RAD50: variants seen among roughly 807,000 people sequenced by gnomAD.
RAD50 encodes the protein DNA repair protein RAD50.
In RAD50, 132 loss-of-function variants were observed where a neutral mutation model predicts 168.8. That is an observed-to-expected ratio of 0.78 (90% CI 0.68 to 0.90). The LOEUF (loss-of-function observed/expected upper bound fraction) is 0.90. Among genes scored for constraint, RAD50 ranks in the 40% least tolerant of loss-of-function variants. The pLI, the probability that RAD50 is intolerant of heterozygous loss-of-function variation, is 0.00. For synonymous variants in RAD50, 525 were observed against 497.4 expected (o/e 1.06, Z -0.74); for missense variants, 1,347 against 1,534.4 (o/e 0.88, Z 2.04).
intron 13 of RAD50, among the ~76,000 whole-genome samples, chr5:132,600,719 C>T (rs955117175): frequency 6.6e-6 from 1 of 152,158 alleles, no homozygotes; most frequent in Admixed American, 6.5e-5. Flanking sequence ...AGCCTTTTTA[C>T]ACACAATCCC....
chr5:132,572,721 G>A (rs1015385179), intron 2 of RAD50, among the ~76,000 whole-genome samples: 2 of 151,988 alleles, frequency 1.3e-5, no homozygotes, highest in African/African-American at 2.4e-5. Context: ...GATCAGCTTC[G>A]GGTTTATAGC....
chr5:132,580,957 A>T (rs774463304), intron 5 of RAD50, among the ~76,000 whole-genome samples: 2 of 152,032 alleles, frequency 1.3e-5, no homozygotes, highest in Non-Finnish European at 2.9e-5. Flanking sequence ...TGAAGTAGAA[A>T]ATATATATAT....
chr5:132,559,397 T>C, intron 2 of RAD50, 30 bp downstream of exon 2: 1 of 1,579,450 alleles, frequency 6.3e-7, no homozygotes, highest in East Asian at 2.3e-5. Context: ...TTTGTATTTT[T>C]ATAATTATAA....
At chr5:132,623,611 CTCAACT>C (rs1192840958) in intron 21 of RAD50, among the ~76,000 whole-genome samples, 1 of 152,106 alleles carries the variant, frequency 6.6e-6, no homozygotes, top group Non-Finnish European at 1.5e-5. Flanking sequence ...TTCTTGTGAG[CTCAACT>C]ATGAATTTAA....
chr5:132,563,214 TG>T (rs1284226137), intron 2 of RAD50, among the ~76,000 whole-genome samples: 1 of 152,202 alleles, frequency 6.6e-6, no homozygotes, highest in East Asian at 1.9e-4. Context: ...TGTAGACTGT[TG>T]GGAATGACTC....
rs1395547073 is a variant in RAD50 at position 132,642,838 on chromosome 5, T to A, written c.*474T>A. On this transcript the variant is annotated 3_prime_UTR_variant, in exon 25 of 25. Transcript: ENST00000378823. Reference sequence around the variant, plus strand: ...ATGACCAGAAATGGTGAGATGTATGTTTGGCTCTGCTTTTAACTTTATAAA... The same window carrying A: ...ATGACCAGAAATGGTGAGATGTATGATTGGCTCTGCTTTTAACTTTATAAA... The A allele has an allele frequency of 2.7e-6, 1 of 364,122 alleles. No homozygotes were observed. Among genetic ancestry groups the A allele is most frequent in the East Asian group, 4.6e-5 (1 of 21,880 alleles). The allele number at this position is 364,122 out of a possible 1,614,324, so 22.6% of individuals were successfully genotyped here. A position where few individuals can be genotyped will look rare whatever the true frequency, so the allele number is the denominator to read the frequency against.
Position 132,646,054 on chromosome 5 carries a change from C to G in RAD50, c.*3690C>G, listed in dbSNP as rs1751841709. Reference sequence around the variant, plus strand: ...TGTGATTTGTGCCACTGCACCCCAGCCTGGGTGGGTGGCAGAGTGAGACCC... The same window carrying G: ...TGTGATTTGTGCCACTGCACCCCAGGCTGGGTGGGTGGCAGAGTGAGACCC... On this transcript the variant is annotated 3_prime_UTR_variant, in exon 25 of 25. Coordinates refer to ENST00000378823, the MANE Select transcript of RAD50 (RefSeq NM_005732.4). The G allele has an allele frequency of 7.3e-6, 1 of 137,716 alleles. No homozygotes were observed. 8.5% of individuals were successfully genotyped at this position (137,716 alleles called of 1,614,324 possible).
At position 132,637,061 on chromosome 5, in the gene RAD50, A is replaced by G. The variant is rs1373734200; in HGVS notation, c.3390-54A>G. The G allele has an allele frequency of 4.3e-6, 6 of 1,385,410 alleles. No individual in the cohort carries two copies. The Admixed American group carries it at 5.8e-5, about 13-fold the overall frequency. 85.8% of individuals were successfully genotyped at this position (1,385,410 alleles called of 1,614,324 possible). On this transcript the variant is annotated intron_variant, in intron 21 of 24. Transcript: ENST00000378823. ...ATATTTTATGTATTTTAATATTACT[A>G]TTACACATAATTATTTTTTATATAT...
chr5:132,592,897 A>G (rs1424249943), intron 11 of RAD50: 1 of 470,816 alleles, frequency 2.1e-6, no homozygotes, highest in Non-Finnish European at 4.4e-6. Flanking sequence ...GATTTTGGGC[A>G]TCCATCAAGT....
chr5:132,616,604 C>G (rs987469096), intron 20 of RAD50, among the ~76,000 whole-genome samples: 1 of 152,174 alleles, frequency 6.6e-6, no homozygotes, highest in African/African-American at 2.4e-5. Context: ...CTTCCTTTAT[C>G]TGGTCTTATT....
intron 17 of RAD50, 93 bp from the exon 18 acceptor site, chr5:132,609,024 T>C: frequency 6.5e-7 from 1 of 1,531,558 alleles, no homozygotes. Flanking sequence ...TGGAACCCAA[T>C]GTTCATAACT....
intron 21 of RAD50, among the ~76,000 whole-genome samples, chr5:132,619,010 C>A (rs1009938118): frequency 6.6e-6 from 1 of 152,068 alleles, no homozygotes; most frequent in Non-Finnish European, 1.5e-5. Flanking sequence ...ATATGATATT[C>A]TAGGACTTGC....
intron 11 of RAD50, among the ~76,000 whole-genome samples, chr5:132,594,195 T>C (rs1750750082): frequency 6.6e-6 from 1 of 152,248 alleles, no homozygotes; most frequent in Admixed American, 6.5e-5. Context: ...GTAGTACATA[T>C]ACATACAGCC....
intron 3 of RAD50, among the ~76,000 whole-genome samples, chr5:132,577,802 ATTTTTTTTTTTTT>A (rs923754085): frequency 3.6e-5 from 3 of 84,380 alleles, no homozygotes; most frequent in African/African-American, 1.8e-4. Context: ...CCCATTTCTG[ATTTTTTTTTTTTT>A]TTTTTTTTTT....
chr5:132,592,061 T>C (rs1750712350), intron 11 of RAD50, 27 bp downstream of exon 11: 2 of 1,584,612 alleles, frequency 1.3e-6, no homozygotes, highest in East Asian at 4.5e-5. Flanking sequence ...GGAGATGTAA[T>C]AGAAATCTCT....
intron 21 of RAD50, among the ~76,000 whole-genome samples, chr5:132,624,099 A>C (rs1293904381): frequency 6.6e-6 from 1 of 152,184 alleles, no homozygotes; most frequent in East Asian, 1.9e-4. Flanking sequence ...ATTTTTTGAG[A>C]GTATTCCATG....
At position 132,604,006 on chromosome 5, in the gene RAD50, C is replaced by T. The variant is rs2149847301; in HGVS notation, c.2484C>T (p.Val828=). ...ACTTAGATCGAACTGTCCAACAAGT[C>T]AACCAGGAGAAACAAGAGAAACAGC... ...GIDLDRTVQQ[V]NQEKQEKQHK... The change falls in exon 15 of 25, where the codon GTC becomes GTT. Residue 828 remains valine, a synonymous_variant. Coordinates refer to ENST00000378823, the MANE Select transcript of RAD50 (RefSeq NM_005732.4). 1 of 1,613,650 alleles carries T rather than the reference C, an allele frequency of 6.2e-7. No homozygotes were observed. The highest frequency in any genetic ancestry group is 8.5e-7 in the Non-Finnish European group (1 of 1,179,722).
chr5:132,594,108 T>C (rs1750748875), intron 11 of RAD50, among the ~76,000 whole-genome samples: 1 of 152,202 alleles, frequency 6.6e-6, no homozygotes, highest in African/African-American at 2.4e-5. Context: ...AAATGTTTAC[T>C]GTGACTCAGG....
At chr5:132,638,542 A>G (rs1427856400) in intron 23 of RAD50, among the ~76,000 whole-genome samples, 2 of 152,248 alleles carry the variant, frequency 1.3e-5, no homozygotes, top group Non-Finnish European at 2.9e-5. Context: ...CTCATCAGTT[A>G]TAAGACATAC....
Sources: gnomAD v4.1 joint callset for allele counts (sites outside exome capture counted in the v4.1 genomes callset) on GRCh38, gnomAD v4.1.1 for gene constraint, MANE v1.5 for transcripts, NCBI Gene and HGNC (gene_info 2026-07-23, HGNC 2026-07-21) for gene names.